ABCC9: variants seen among roughly 807,000 people sequenced by gnomAD.
ABCC9 encodes the protein ATP-binding cassette sub-family C member 9.
In ABCC9, 95 loss-of-function variants were observed where a neutral mutation model predicts 188.3. That is an observed-to-expected ratio of 0.50 (90% CI 0.43 to 0.60). The LOEUF is 0.60. Among genes scored for constraint, ABCC9 ranks in the 20% least tolerant of loss-of-function variants. The probability of loss-of-function intolerance (pLI) is 0.00; values close to 1 mark genes in which losing one functional copy is unlikely to be tolerated. For synonymous variants in ABCC9, 659 were observed against 652.7 expected, an observed-to-expected ratio of 1.01 and a Z score of -0.15; for missense variants, 1,102 against 1,876.3, an observed-to-expected ratio of 0.59 and a Z score of 7.62.
intron 9 of ABCC9, among the ~76,000 whole-genome samples, chr12:21,910,563 A>G (rs2013399120): frequency 6.6e-6 from 1 of 151,972 alleles, no homozygotes. Context: ...AACTTTAAGC[A>G]TAAGCCCTAG....
chr12:21,930,754 C>A (rs1347608186), intron 4 of ABCC9, among the ~76,000 whole-genome samples: 1 of 152,034 alleles, frequency 6.6e-6, no homozygotes, highest in Non-Finnish European at 1.5e-5. Flanking sequence ...GTGGTATATA[C>A]AGACAATAGA....
At chr12:21,925,340 C>A (rs1360643400) in intron 5 of ABCC9, 2 of 546,792 alleles carry the variant, frequency 3.7e-6, no homozygotes, top group Non-Finnish European at 6.6e-6. Flanking sequence ...AACAAGGAAG[C>A]AAGAGAGGCT....
intron 15 of ABCC9, among the ~76,000 whole-genome samples, chr12:21,884,415 G>C (rs7314764): frequency 6.6e-6 from 1 of 151,904 alleles, no homozygotes; most frequent in Non-Finnish European, 1.5e-5. Context: ...GACTATGAAG[G>C]CTAAGTAATA....
chr12:21,893,836 T>G (rs1172530093), intron 14 of ABCC9, among the ~76,000 whole-genome samples, 196 bp downstream of exon 14: 1 of 152,156 alleles, frequency 6.6e-6, no homozygotes, highest in Non-Finnish European at 1.5e-5. Flanking sequence ...CTAGATAAAT[T>G]TAAAATTTTT....
At chr12:21,920,332 C>T (rs1398113147) in intron 5 of ABCC9, among the ~76,000 whole-genome samples, 2 of 151,992 alleles carry the variant, frequency 1.3e-5, no homozygotes, top group Non-Finnish European at 2.9e-5. Flanking sequence ...TTTGCTTATA[C>T]AGAAAATCTT....
chr12:21,880,611 G>A (rs552669237), intron 16 of ABCC9, among the ~76,000 whole-genome samples: 35 of 151,980 alleles, frequency 2.3e-4, no homozygotes, highest in Non-Finnish European at 4.6e-4. Flanking sequence ...ATCTTATATC[G>A]AAAGTTGCTT....
intron 25 of ABCC9, among the ~76,000 whole-genome samples, chr12:21,846,708 T>C (rs1040425553): frequency 1.3e-5 from 2 of 152,162 alleles, no homozygotes; most frequent in African/African-American, 4.8e-5. Flanking sequence ...GGCAGGGGTA[T>C]GTCCTTTGTG....
chr12:21,879,993 A>G (rs780923288), intron 16 of ABCC9, among the ~76,000 whole-genome samples: 3 of 151,782 alleles, frequency 2.0e-5, no homozygotes, highest in Non-Finnish European at 4.4e-5. Context: ...TCACACACAT[A>G]TAGATCCTTG....
chr12:21,877,222 T>C (rs1182541957), intron 16 of ABCC9, among the ~76,000 whole-genome samples: 1 of 152,136 alleles, frequency 6.6e-6, no homozygotes, highest in African/African-American at 2.4e-5. Flanking sequence ...AGACACGACA[T>C]TATGGGCTCA....
At position 21,800,877 on chromosome 12, in the gene ABCC9, T is replaced by C; in HGVS notation, c.*167A>G. The C allele has an allele frequency of 2.7e-6, 2 of 746,332 alleles. No homozygotes were observed. Among genetic ancestry groups the C allele is most frequent in the Non-Finnish European group, 4.3e-6 (2 of 461,586 alleles). The allele number at this position is 746,332 out of a possible 1,614,324, so 46.2% of individuals were successfully genotyped here. A position where few individuals can be genotyped will look rare whatever the true frequency, so the allele number is the denominator to read the frequency against. ...CATCAATAATGAACATATTAAGCAA[T>C]AATATCTTGAAAAACTGTTTTAAAA... On this transcript the variant is annotated 3_prime_UTR_variant, in exon 40 of 40. Transcript: ENST00000261200.
intron 38 of ABCC9, 150 bp downstream of exon 38, chr12:21,807,196 T>C: frequency 1.0e-6 from 1 of 985,926 alleles, no homozygotes. Context: ...ATTCTCAATG[T>C]GCTATCATCA....
intron 16 of ABCC9, among the ~76,000 whole-genome samples, chr12:21,880,056 A>G (rs903818268): frequency 2.7e-5 from 4 of 150,880 alleles, no homozygotes; most frequent in Non-Finnish European, 5.9e-5. Flanking sequence ...TCAATAATAC[A>G]TGGGGCTAGG....
intron 29 of ABCC9, 54 bp from the exon 30 acceptor site, chr12:21,838,224 AC>A: frequency 8.2e-7 from 1 of 1,220,942 alleles, no homozygotes; most frequent in Non-Finnish European, 1.2e-6. Flanking sequence ...CTCAAAGACT[AC>A]CATGTTTATT....
At chr12:21,867,762 A>G (rs899933561) in intron 18 of ABCC9, among the ~76,000 whole-genome samples, 33 of 150,876 alleles carry the variant, frequency 2.2e-4, no homozygotes, top group African/African-American at 5.6e-4. Flanking sequence ...GGGAGATAGA[A>G]TGTCAGGACA....
Position 21,932,561 on chromosome 12 carries a change from C to A in ABCC9, c.284+1221G>T, listed in dbSNP as rs193109878. On this transcript the variant is annotated intron_variant, in intron 4 of 39. Transcript: ENST00000261200. ...ATCCAGCATCTATAAGGAACTTACACAAATTTACAAGAAAAAAACAAACAA... is the reference window on the plus strand; with the variant it reads ...ATCCAGCATCTATAAGGAACTTACAAAAATTTACAAGAAAAAAACAAACAA... Among the ~76,000 whole-genome samples the A allele has an allele frequency of 2.4e-4, 36 of 152,080 alleles. No homozygotes were observed. The East Asian group carries it at 6.8e-3, about 29-fold the overall frequency.
chr12:21,883,926 T>C (rs889168799), intron 15 of ABCC9, among the ~76,000 whole-genome samples: 1 of 152,166 alleles, frequency 6.6e-6, no homozygotes, highest in African/African-American at 2.4e-5. Flanking sequence ...TTTGTCATTC[T>C]CTAATTTTTT....
chr12:21,829,191 CTTTTTTTTT>C lies in ABCC9; in HGVS notation c.3567-140_3567-132del, dbSNP rs11430045. 3,920 of 230,486 alleles carry C rather than the reference CTTTTTTTTT, an allele frequency of 0.017. 136 individuals are homozygous for C. The highest frequency in any genetic ancestry group is 0.15 in the African/African-American group (3,355 of 21,682). The allele number at this position is 230,486 out of a possible 1,614,324, so 14.3% of individuals were successfully genotyped here. ...CATGGAATGATCAGTAAATAGATTTCTTTTTTTTTTTTTTTTTTTTTTTTTTTTCAGATG... is the reference window on the plus strand; with the variant it reads ...CATGGAATGATCAGTAAATAGATTTCTTTTTTTTTTTTTTTTTTTCAGATG... On this transcript the variant is annotated intron_variant, in intron 30 of 39. Transcript: ENST00000261200.
chr12:21,841,289 A>AT (rs1219961926), intron 29 of ABCC9, among the ~76,000 whole-genome samples: 1 of 145,298 alleles, frequency 6.9e-6, no homozygotes, highest in Non-Finnish European at 1.5e-5. Flanking sequence ...TTTTTTTCCC[A>AT]TTTGTAGAGT....
chr12:21,872,808 AG>A, intron 17 of ABCC9, 78 bp from the exon 18 acceptor site: 1 of 1,177,380 alleles, frequency 8.5e-7, no homozygotes, highest in Non-Finnish European at 1.3e-6. Flanking sequence ...ATTTAGAAAA[AG>A]CTAATGTTTT....
Sources: allele counts gnomAD v4.1 joint callset (sites outside exome capture counted in the v4.1 genomes callset), GRCh38; gene constraint gnomAD v4.1.1; transcripts MANE v1.5; gene names NCBI Gene and HGNC (gene_info 2026-07-23, HGNC 2026-07-21).